The following GPR158 variants were observed in gnomAD, a reference collection of about 807,000 sequenced individuals.
The protein encoded by GPR158 is G protein-coupled receptor 158.
GPR158 carries 30 observed loss-of-function variants against 78.2 expected under a neutral mutation model. The ratio of observed to expected loss-of-function variants is 0.38; its 90% CI spans 0.29 to 0.52. The LOEUF (loss-of-function observed/expected upper bound fraction) is 0.52, where lower values mean the gene tolerates loss of function less well. GPR158 is among the 20% of genes least tolerant of loss of function. The pLI, the probability that GPR158 is intolerant of heterozygous loss-of-function variation, is 0.83. For missense variants in GPR158, 1,463 were observed against 1,523.5 expected (o/e 0.96, Z 0.66); for synonymous variants, 581 against 591.1 (o/e 0.98, Z 0.25).
At chr10:25,231,890 G>A (rs756057550) in intron 2 of GPR158, among the ~76,000 whole-genome samples, 1 of 152,134 alleles carries the variant, frequency 6.6e-6, no homozygotes, top group Non-Finnish European at 1.5e-5. Flanking sequence ...ATGCTTTGAA[G>A]CTTCTCTGTG....
intron 2 of GPR158, among the ~76,000 whole-genome samples, chr10:25,305,425 G>A (rs1854659183): frequency 6.6e-6 from 1 of 152,090 alleles, no homozygotes; most frequent in African/African-American, 2.4e-5. Flanking sequence ...GTGTGGATGG[G>A]GACCATACAT....
chr10:25,601,455 T>TG lies in GPR158; in HGVS notation c.*2181_*2182insG. ...GACCCACATATTTGTTTCATTTATG[T>TG]CTGAAATCTGTTAGCACTTGATTCC... On this transcript the variant is annotated 3_prime_UTR_variant, in exon 11 of 11. Transcript: ENST00000376351. 1.3e-5 allele frequency: 2 copies of TG among 152,634 alleles called. No homozygotes were observed. Among genetic ancestry groups the TG allele is most frequent in the East Asian group, 3.8e-4 (2 of 5,200 alleles). The allele number at this position is 152,634 out of a possible 1,614,324, so 9.5% of individuals were successfully genotyped here. A position where few individuals can be genotyped will look rare whatever the true frequency, so the allele number is the denominator to read the frequency against.
At chr10:25,191,657 ATAAATAACTGCAGCTT>A (rs1345006927) in intron 1 of GPR158, among the ~76,000 whole-genome samples, 8 of 151,562 alleles carry the variant, frequency 5.3e-5, no homozygotes, top group Non-Finnish European at 8.9e-5. Flanking sequence ...AACAGCTGAT[ATAAATAACTGCAGCTT>A]TAGTCACTGA....
At chr10:25,259,688 A>G (rs1687135587) in intron 2 of GPR158, among the ~76,000 whole-genome samples, 1 of 152,180 alleles carries the variant, frequency 6.6e-6, no homozygotes, top group African/African-American at 2.4e-5. Context: ...AGGGAGAACT[A>G]ACATTAAAAT....
At chr10:25,458,098 AAATC>A (rs1335505836) in intron 4 of GPR158, among the ~76,000 whole-genome samples, 1 of 152,208 alleles carries the variant, frequency 6.6e-6, no homozygotes, top group African/African-American at 2.4e-5. Flanking sequence ...AATTATGTAT[AAATC>A]AATGTGAACT....
At chr10:25,346,327 A>C (rs1855371176) in intron 2 of GPR158, among the ~76,000 whole-genome samples, 1 of 151,862 alleles carries the variant, frequency 6.6e-6, no homozygotes, top group African/African-American at 2.4e-5. Flanking sequence ...CTGACAATAA[A>C]ACTCACCTCC....
At chr10:25,412,226 T>G (rs1027812538) in intron 3 of GPR158, 24 bp from the exon 4 acceptor site, 2 of 1,523,946 alleles carry the variant, frequency 1.3e-6, no homozygotes, top group Non-Finnish European at 1.8e-6. Context: ...CAAATGACAC[T>G]GTGGTTTTAT....
At chr10:25,271,805 AT>A (rs11427765) in intron 2 of GPR158, among the ~76,000 whole-genome samples, 1 of 149,952 alleles carries the variant, frequency 6.7e-6, no homozygotes, top group East Asian at 2.0e-4. Context: ...CGCTTGGCTA[AT>A]TTTTTTTTTC....
At chr10:25,313,862 C>T (rs1441090401) in intron 2 of GPR158, among the ~76,000 whole-genome samples, 1 of 152,080 alleles carries the variant, frequency 6.6e-6, no homozygotes, top group Non-Finnish European at 1.5e-5. Flanking sequence ...ATTTGGAAGA[C>T]TTCCTTCATT....
chr10:25,483,505 G>C (rs968870317), intron 5 of GPR158, among the ~76,000 whole-genome samples: 1 of 151,974 alleles, frequency 6.6e-6, no homozygotes, highest in African/African-American at 2.4e-5. Flanking sequence ...TTTTTGCATA[G>C]AATTGATCGT....
At chr10:25,503,946 G>A (rs907511174) in intron 5 of GPR158, among the ~76,000 whole-genome samples, 5 of 150,048 alleles carry the variant, frequency 3.3e-5, no homozygotes, top group African/African-American at 9.9e-5. Context: ...GCTGGAGTGC[G>A]ATGGGGTGAC....
chr10:25,247,605 GATTTCCA>G (rs1281840302), intron 2 of GPR158, among the ~76,000 whole-genome samples: 1 of 136,698 alleles, frequency 7.3e-6, no homozygotes, highest in African/African-American at 2.9e-5. Flanking sequence ...TGAGAATGAT[GATTTCCA>G]ATTTCATCCA....
intron 5 of GPR158, among the ~76,000 whole-genome samples, chr10:25,527,700 GA>G (rs2130689770): frequency 6.6e-6 from 1 of 151,952 alleles, no homozygotes; most frequent in Admixed American, 6.6e-5. Flanking sequence ...TAGAATAAGG[GA>G]AAAAATAAAG....
intron 2 of GPR158, among the ~76,000 whole-genome samples, chr10:25,288,035 A>G (rs12262426): frequency 6.7e-6 from 1 of 149,694 alleles, no homozygotes; most frequent in African/African-American, 2.5e-5. Flanking sequence ...CCACATTTCC[A>G]TTACTGAAAG....
At chr10:25,434,084 C>G (rs1165903827) in intron 4 of GPR158, among the ~76,000 whole-genome samples, 1 of 152,024 alleles carries the variant, frequency 6.6e-6, no homozygotes, top group African/African-American at 2.4e-5. Context: ...GCGGCGTGAA[C>G]CCTGGAGGTG....
intron 7 of GPR158, among the ~76,000 whole-genome samples, chr10:25,585,440 A>G (rs531332756): frequency 6.6e-6 from 1 of 152,310 alleles, no homozygotes; most frequent in East Asian, 1.9e-4. Context: ...CCCCATGAAC[A>G]ATTTTCTTCT....
In GPR158 at chr10:25,444,653, G is replaced by GGT. The variant is rs377184234; in HGVS notation, c.1336-21985_1336-21984dup. On this transcript the variant is annotated intron_variant, in intron 4 of 10. Transcript: ENST00000376351. ...GAAGATGTGTGTATTTGTTTGGAGGGGTGTGTGTGTGTGTATGCTGAATGA... is the reference window on the plus strand; with the variant it reads ...GAAGATGTGTGTATTTGTTTGGAGGGGTGTGTGTGTGTGTGTATGCTGAATGA... Among the ~76,000 whole-genome samples the GGT allele has an allele frequency of 1.7e-4, 26 of 150,794 alleles. No homozygotes were observed. In the East Asian group the frequency reaches 2.9e-3, roughly 17 times the overall value.
At chr10:25,363,922 C>G (rs895945311) in intron 2 of GPR158, among the ~76,000 whole-genome samples, 2 of 150,980 alleles carry the variant, frequency 1.3e-5, no homozygotes, top group Non-Finnish European at 2.9e-5. Flanking sequence ...CTTAAGCACT[C>G]TACCCTTGTC....
intron 2 of GPR158, among the ~76,000 whole-genome samples, chr10:25,288,052 G>T (rs1407970692): frequency 5.3e-5 from 8 of 151,750 alleles, no homozygotes; most frequent in Non-Finnish European, 1.2e-4. Context: ...AAAGTTAGGG[G>T]GGTAAAATAA....
Sources: gnomAD v4.1 joint callset for allele counts (sites outside exome capture counted in the v4.1 genomes callset) on GRCh38, gnomAD v4.1.1 for gene constraint, MANE v1.5 for transcripts, NCBI Gene and HGNC (gene_info 2026-07-23, HGNC 2026-07-21) for gene names.